Variants in ZNF131 observed in about 807,000 individuals in gnomAD.
ZNF131 encodes the protein zinc finger and BTB domain containing 35.
Under a neutral mutation model 60.0 loss-of-function variants are expected in ZNF131, and 7 were observed. That is an observed-to-expected ratio of 0.12 (90% CI 0.07 to 0.22). ZNF131 has a LOEUF of 0.22. Ranked by LOEUF, ZNF131 falls within the 10% of genes least tolerant of loss-of-function variation. ZNF131 has a pLI of 1.00. For missense variants in ZNF131, 493 were observed against 740.9 expected, an observed-to-expected ratio of 0.67 and a Z score of 3.88; for synonymous variants, 257 against 253.2, an observed-to-expected ratio of 1.01 and a Z score of -0.14.
intron 3 of ZNF131, 162 bp downstream of exon 3, chr5:43,123,472 G>T (rs1006145529): frequency 4.0e-6 from 2 of 499,776 alleles, no homozygotes; most frequent in Non-Finnish European, 6.8e-6. Context: ...GTAGGTAAAG[G>T]TAGATAAATT....
intron 2 of ZNF131, 81 bp from the exon 3 acceptor site, chr5:43,123,128 G>T: frequency 8.8e-7 from 1 of 1,141,108 alleles, no homozygotes; most frequent in South Asian, 1.5e-5. Context: ...TGCTTTATAT[G>T]ATTTTTAAGT....
intron 4 of ZNF131, 77 bp from the exon 5 acceptor site, chr5:43,161,172 C>A: frequency 3.8e-6 from 5 of 1,300,092 alleles, no homozygotes; most frequent in East Asian, 4.6e-5. Flanking sequence ...ATTTTATTGC[C>A]ACTTTATCAG....
Position 43,138,772 on chromosome 5 carries a change from G to T in ZNF131, c.227-393G>T, listed in dbSNP as rs1171925301. Among the ~76,000 whole-genome samples, 8 of 152,080 alleles carry T rather than the reference G, an allele frequency of 5.3e-5. No individual in the cohort carries two copies. In the East Asian group the frequency reaches 1.5e-3, roughly 29 times the overall value. On this transcript the variant is annotated intron_variant, in intron 3 of 6. Transcript: ENST00000682664. ...AGGTAAATAGGAAAATAATGTGAAGGGCCTTGAAATAAAGTCAGAGAGGTA... is the reference window on the plus strand; with the variant it reads ...AGGTAAATAGGAAAATAATGTGAAGTGCCTTGAAATAAAGTCAGAGAGGTA...
At chr5:43,154,961 A>T (rs1748779073) in intron 4 of ZNF131, among the ~76,000 whole-genome samples, 1 of 152,166 alleles carries the variant, frequency 6.6e-6, no homozygotes, top group Non-Finnish European at 1.5e-5. Flanking sequence ...AATTTGGGGG[A>T]ATGTTGACCA....
At chr5:43,138,735 T>C (rs1421008560) in intron 3 of ZNF131, among the ~76,000 whole-genome samples, 1 of 152,186 alleles carries the variant, frequency 6.6e-6, no homozygotes, top group African/African-American at 2.4e-5. Flanking sequence ...TGATGTCGTT[T>C]AAAATTTGGA....
chr5:43,165,105 C>T (rs778701379), intron 5 of ZNF131, among the ~76,000 whole-genome samples: 35 of 152,220 alleles, frequency 2.3e-4, no homozygotes, highest in Non-Finnish European at 4.7e-4. Context: ...TGTGTGCCAC[C>T]ATGCCCAGCT....
intron 3 of ZNF131, among the ~76,000 whole-genome samples, chr5:43,130,263 C>CAAAAAAAAAAAAAAAAAAAA (rs765959932): frequency 0.01 from 338 of 33,070 alleles, 60 homozygotes; most frequent in Middle Eastern, 0.024. Context: ...GACTCTGTCT[C>CAAAAAAAAAAAAAAAAAAAA]CAAAAAAAAA....
chr5:43,153,191 G>A (rs1368014573), intron 4 of ZNF131, among the ~76,000 whole-genome samples: 1 of 152,178 alleles, frequency 6.6e-6, no homozygotes, highest in Non-Finnish European at 1.5e-5. Flanking sequence ...ATAAGATGAT[G>A]TCACTCCATT....
At chr5:43,127,493 A>T (rs1744700805) in intron 3 of ZNF131, among the ~76,000 whole-genome samples, 1 of 152,238 alleles carries the variant, frequency 6.6e-6, no homozygotes, top group African/African-American at 2.4e-5. Context: ...CGCACAGTAA[A>T]ATTTGAGCAG....
chr5:43,174,169 A>C (rs779520429), intron 6 of ZNF131, among the ~76,000 whole-genome samples: 1 of 152,246 alleles, frequency 6.6e-6, no homozygotes, highest in East Asian at 1.9e-4. Context: ...CGGAGGTTGC[A>C]GTGAGCCGAG....
chr5:43,173,533 G>T, intron 6 of ZNF131, 85 bp downstream of exon 6: 1 of 1,513,080 alleles, frequency 6.6e-7, no homozygotes, highest in Non-Finnish European at 9.0e-7. Flanking sequence ...AGAGTCTCAA[G>T]CAAAGGTATA....
At chr5:43,154,593 C>T (rs533347091) in intron 4 of ZNF131, among the ~76,000 whole-genome samples, 3 of 147,300 alleles carry the variant, frequency 2.0e-5, no homozygotes, top group Admixed American at 7.1e-5. Context: ...TCAAGTCTGA[C>T]GTAACAGTGG....
intron 5 of ZNF131, 67 bp downstream of exon 5, chr5:43,161,998 C>G: frequency 7.0e-7 from 1 of 1,435,254 alleles, no homozygotes; most frequent in South Asian, 1.5e-5. Context: ...GTATCTAAAT[C>G]CTTTTTAAAA....
chr5:43,140,064 A>C (rs1171816590), intron 4 of ZNF131, among the ~76,000 whole-genome samples: 1 of 152,044 alleles, frequency 6.6e-6, no homozygotes, highest in Non-Finnish European at 1.5e-5. Context: ...AAAAATACAA[A>C]AATTAGCTGG....
chr5:43,127,871 T>C (rs888668150), intron 3 of ZNF131, among the ~76,000 whole-genome samples: 1 of 152,236 alleles, frequency 6.6e-6, no homozygotes, highest in African/African-American at 2.4e-5. Context: ...TTCATTCTTT[T>C]TCTACTTCAC....
intron 4 of ZNF131, chr5:43,143,606 G>A (rs1747143119): frequency 4.2e-6 from 1 of 240,676 alleles, no homozygotes; most frequent in Non-Finnish European, 8.0e-6. Flanking sequence ...TACATTTTGT[G>A]TGTATGGCCA....
intron 6 of ZNF131, 131 bp downstream of exon 6, chr5:43,173,579 A>C: frequency 6.8e-6 from 8 of 1,181,538 alleles, no homozygotes; most frequent in Non-Finnish European, 9.0e-6. Flanking sequence ...AGAATAAAGA[A>C]CATTATTGTC....
At chr5:43,128,870 C>A (rs1744936871) in intron 3 of ZNF131, among the ~76,000 whole-genome samples, 1 of 151,936 alleles carries the variant, frequency 6.6e-6, no homozygotes, top group Non-Finnish European at 1.5e-5. Flanking sequence ...CTCACCTCAG[C>A]CTTCTAACTA....
intron 5 of ZNF131, among the ~76,000 whole-genome samples, chr5:43,166,291 G>A (rs1290054746): frequency 6.6e-6 from 1 of 151,920 alleles, no homozygotes; most frequent in South Asian, 2.1e-4. Context: ...GGCCTGTCTC[G>A]ACTTTTGATA....
Sources: allele counts gnomAD v4.1 joint callset (sites outside exome capture counted in the v4.1 genomes callset), GRCh38; gene constraint gnomAD v4.1.1; transcripts MANE v1.5; gene names NCBI Gene and HGNC (gene_info 2026-07-23, HGNC 2026-07-21).